PTPRM: variants seen among roughly 807,000 people sequenced by gnomAD.
The protein encoded by PTPRM is receptor-type tyrosine-protein phosphatase mu.
Under a neutral mutation model 186.7 loss-of-function variants are expected in PTPRM, and 47 were observed. That is an observed-to-expected ratio of 0.25 (90% confidence interval 0.20 to 0.32). The LOEUF is 0.32. Among genes scored for constraint, PTPRM ranks in the 10% least tolerant of loss-of-function variants. The pLI, the probability that PTPRM is intolerant of heterozygous loss-of-function variation, is 1.00. For missense variants in PTPRM, 1,494 were observed against 1,865.0 expected, an observed-to-expected ratio of 0.80 and a Z score of 3.66; for synonymous variants, 668 against 674.9, an observed-to-expected ratio of 0.99 and a Z score of 0.16.
At position 8,068,858 on chromosome 18, in the gene PTPRM, G is replaced by A. The variant is rs1425516588; in HGVS notation, c.1133-828G>A. Among the ~76,000 whole-genome samples, 6 of 152,224 alleles carry A rather than the reference G, an allele frequency of 3.9e-5. No homozygotes were observed. In the East Asian group the frequency reaches 1.2e-3, roughly 29 times the overall value. ...CACACGCCTGTAGTCCCAGCACTTT[G>A]GGAGGCCAAGGCAGGCGGATCACGA... On this transcript the variant is annotated intron_variant, in intron 7 of 32. Coordinates refer to ENST00000580170, the MANE Select transcript of PTPRM (RefSeq NM_001105244.2).
chr18:7,867,312 C>G lies in PTPRM; in HGVS notation c.197-20794C>G, dbSNP rs900514228. Among the ~76,000 whole-genome samples the G allele has an allele frequency of 3.9e-5, 6 of 152,144 alleles. No homozygotes were observed. In the South Asian group the frequency reaches 1.0e-3, roughly 26 times the overall value. On this transcript the variant is annotated intron_variant, in intron 2 of 32. Transcript: ENST00000580170. ...TAGTGTCGATGTTCTTTACAATTTG[C>G]CATGTTTTTGCAGTGGCTGGTACTG...
At chr18:8,163,738 A>T (rs1478833127) in intron 14 of PTPRM, among the ~76,000 whole-genome samples, 1 of 152,226 alleles carries the variant, frequency 6.6e-6, no homozygotes, top group African/African-American at 2.4e-5. Context: ...TCAGTGGTCA[A>T]AATTACAGAT....
intron 3 of PTPRM, among the ~76,000 whole-genome samples, chr18:7,889,895 C>G (rs73941026): frequency 0.028 from 4,189 of 152,234 alleles, 189 homozygotes; most frequent in African/African-American, 0.096. Flanking sequence ...TCTGTGGAGA[C>G]CTGCAGTAAC....
rs2051299164 is a variant in PTPRM, at chr18:7,928,460, C to A, written c.663+1777C>A. 3.3e-5 allele frequency among the ~76,000 whole-genome samples: 5 copies of A among 152,220 alleles called. No homozygotes were observed. The East Asian group carries it at 9.7e-4, about 29-fold the overall frequency. On this transcript the variant is annotated intron_variant, in intron 5 of 32. Transcript: ENST00000580170. ...TCAGAATTGTTTTCTCAGATAATGG[C>A]TATTTGGTATTAAACACAATCAAGA...
At chr18:7,966,827 T>C (rs1208702573) in intron 7 of PTPRM, among the ~76,000 whole-genome samples, 2 of 130,054 alleles carry the variant, frequency 1.5e-5, no homozygotes, top group African/African-American at 2.5e-5. Flanking sequence ...TCTCGCTGAT[T>C]GCCAGCACAG....
intron 2 of PTPRM, among the ~76,000 whole-genome samples, chr18:7,874,011 T>A (rs2048106120): frequency 6.6e-6 from 1 of 152,074 alleles, no homozygotes; most frequent in South Asian, 2.1e-4. Flanking sequence ...TCTGTGTCCT[T>A]ATTGGCCTGA....
At chr18:8,321,910 A>G (rs1267318130) in intron 22 of PTPRM, among the ~76,000 whole-genome samples, 1 of 123,346 alleles carries the variant, frequency 8.1e-6, no homozygotes, top group Non-Finnish European at 1.7e-5. Context: ...GATCACCAGT[A>G]ATCAAGATCA....
At chr18:7,892,479 A>G (rs1238703070) in intron 3 of PTPRM, among the ~76,000 whole-genome samples, 1 of 152,186 alleles carries the variant, frequency 6.6e-6, no homozygotes, top group Non-Finnish European at 1.5e-5. Context: ...ACCTTTGGAT[A>G]ACATATTTCA....
intron 7 of PTPRM, among the ~76,000 whole-genome samples, chr18:7,973,951 T>G (rs1476643098): frequency 6.6e-6 from 1 of 151,104 alleles, no homozygotes; most frequent in Non-Finnish European, 1.5e-5. Flanking sequence ...GAGTATTTAG[T>G]CAGTGAGATT....
At chr18:8,336,660 G>A (rs937797356) in intron 22 of PTPRM, among the ~76,000 whole-genome samples, 2 of 132,306 alleles carry the variant, frequency 1.5e-5, no homozygotes, top group South Asian at 5.3e-4. Context: ...GGAGAAGAAG[G>A]AGGAGGAGGA....
chr18:7,882,089 C>T (rs991427680), intron 2 of PTPRM, among the ~76,000 whole-genome samples: 16 of 152,154 alleles, frequency 1.1e-4, no homozygotes, highest in African/African-American at 3.6e-4. Flanking sequence ...TCAGTATGGT[C>T]GGCAGATCAG....
chr18:7,610,909 G>A (rs537695208), intron 1 of PTPRM, among the ~76,000 whole-genome samples: 9 of 152,142 alleles, frequency 5.9e-5, no homozygotes, highest in Non-Finnish European at 8.8e-5. Context: ...AGAAGAAGGC[G>A]TTGTTATTCT....
chr18:8,089,654 A>G (rs2090609864), intron 11 of PTPRM, among the ~76,000 whole-genome samples: 2 of 152,196 alleles, frequency 1.3e-5, no homozygotes, highest in Admixed American at 1.3e-4. Context: ...CTTGGAAGAA[A>G]GATTTACATT....
chr18:8,253,994 C>T (rs1196170954), intron 19 of PTPRM, among the ~76,000 whole-genome samples: 1 of 152,014 alleles, frequency 6.6e-6, no homozygotes, highest in Non-Finnish European at 1.5e-5. Flanking sequence ...GATCACCTTT[C>T]TTGGCTTTTC....
chr18:8,280,658 G>C (rs531346201), intron 19 of PTPRM, among the ~76,000 whole-genome samples: 1 of 152,150 alleles, frequency 6.6e-6, no homozygotes, highest in East Asian at 1.9e-4. Context: ...TCCCAGCCTC[G>C]TTGCAAGTGC....
At chr18:8,311,860 G>A (rs2095271043) in intron 20 of PTPRM, among the ~76,000 whole-genome samples, 1 of 152,098 alleles carries the variant, frequency 6.6e-6, no homozygotes, top group South Asian at 2.1e-4. Flanking sequence ...TCCCTAAAGA[G>A]AACCCTCCAG....
intron 1 of PTPRM, among the ~76,000 whole-genome samples, chr18:7,685,180 C>A (rs1389444047): frequency 1.3e-5 from 2 of 152,298 alleles, no homozygotes; most frequent in Non-Finnish European, 2.9e-5. Context: ...ATTCCACCCA[C>A]CACCAGGGTC....
At chr18:7,623,486 G>A (rs75789156) in intron 1 of PTPRM, among the ~76,000 whole-genome samples, 10,391 of 152,090 alleles carry the variant, frequency 0.068, 514 homozygotes, top group South Asian at 0.2. Context: ...AGTTTTTACA[G>A]CCTGCCTGTT....
At chr18:8,078,445 G>C (rs2089949641) in intron 9 of PTPRM, among the ~76,000 whole-genome samples, 1 of 152,180 alleles carries the variant, frequency 6.6e-6, no homozygotes, top group Admixed American at 6.6e-5. Flanking sequence ...TGGCAACATT[G>C]TTTTCTGTCA....
Sources: gnomAD v4.1 joint callset for allele counts (sites outside exome capture counted in the v4.1 genomes callset) on GRCh38, gnomAD v4.1.1 for gene constraint, MANE v1.5 for transcripts, NCBI Gene and HGNC (gene_info 2026-07-23, HGNC 2026-07-21) for gene names.